Variants in ABLIM2 observed in about 807,000 individuals in gnomAD.
ABLIM2 encodes actin binding LIM protein family member 2, also known as actin-binding LIM protein 2.
In ABLIM2, 53 loss-of-function variants were observed where a neutral mutation model predicts 97.7. That is an observed-to-expected ratio of 0.54 (90% CI 0.44 to 0.68). The LOEUF is 0.68. Among genes scored for constraint, ABLIM2 ranks in the 30% least tolerant of loss-of-function variants. The pLI is 0.00. For missense variants in ABLIM2, 835 were observed against 867.2 expected (o/e 0.96, Z 0.47); for synonymous variants, 361 against 345.8 (o/e 1.04, Z -0.49).
chr4:8,079,025 C>T (rs1818059491), intron 5 of ABLIM2, among the ~76,000 whole-genome samples: 2 of 152,384 alleles, frequency 1.3e-5, no homozygotes, highest in Middle Eastern at 3.4e-3. Context: ...ACGTTCTTTT[C>T]CTCCAAGCTC....
At chr4:8,100,022 G>T (rs1300830916) in intron 2 of ABLIM2, among the ~76,000 whole-genome samples, 1 of 152,336 alleles carries the variant, frequency 6.6e-6, no homozygotes, top group South Asian at 2.1e-4. Flanking sequence ...GCAGGTGGGG[G>T]TGATGGGAGC....
Position 8,132,981 on chromosome 4 carries a change from C to T in ABLIM2, c.10+25699G>A, listed in dbSNP as rs545674149. On this transcript the variant is annotated intron_variant, in intron 1 of 20. Transcript: ENST00000447017. The surrounding 1 kb of genome is among the most constrained non-coding windows in gnomAD (Gnocchi z 8.0). ...CTTAACAACAGGCATTTACTCTCCC[C>T]GGTTCTGGAGACCAGAAGTCCCAGA... 4.6e-5 allele frequency among the ~76,000 whole-genome samples: 7 copies of T among 152,298 alleles called. 1 individual carries two copies. The highest frequency in any genetic ancestry group is 3.4e-3 in the Middle Eastern group (1 of 294).
rs538795222 is a variant in ABLIM2, at chr4:8,087,937, G to C, written c.454+232C>G. 2.0e-3 allele frequency among the ~76,000 whole-genome samples: 297 copies of C among 151,762 alleles called. 4 individuals carry two copies. The highest frequency in any genetic ancestry group is 3.6e-3 in the Non-Finnish European group (247 of 67,906). ...GCTGCTCTGGGTCCCCGTTTCTCAG[G>C]CTCTGTCCCTGGGCACTGCAGAGAC... On this transcript the variant is annotated intron_variant, in intron 4 of 20. Transcript: ENST00000447017. This position sits in a 1 kb window ranked among gnomAD's most constrained non-coding sequence, Gnocchi z 4.6.
At chr4:8,024,382 C>T (rs961914193) in intron 12 of ABLIM2, among the ~76,000 whole-genome samples, 1 of 152,122 alleles carries the variant, frequency 6.6e-6, no homozygotes, top group African/African-American at 2.4e-5. Flanking sequence ...GGAAGGTGTG[C>T]CGGGGGTGAG....
rs537529181 is a variant in ABLIM2 at position 8,033,330 on chromosome 4, G to C, written c.1047+2819C>G. On this transcript the variant is annotated intron_variant, in intron 10 of 20. Coordinates refer to ENST00000447017, the MANE Select transcript of ABLIM2 (RefSeq NM_001130083.2). This position sits in a 1 kb window ranked among gnomAD's most constrained non-coding sequence, Gnocchi z 4.5. ...GAGCGGGGAGGCACTCTGTTCACAG[G>C]AACCATGGTTATTACAGCGCAATAA... is the stretch of plus-strand genomic sequence containing the variant. Among the ~76,000 whole-genome samples, 2 of 152,202 alleles carry C rather than the reference G, an allele frequency of 1.3e-5. No individual in the cohort carries two copies. Among genetic ancestry groups the C allele is most frequent in the Non-Finnish European group, 2.9e-5 (2 of 68,030 alleles).
intron 1 of ABLIM2, among the ~76,000 whole-genome samples, chr4:8,142,855 G>A (rs1851201199): frequency 6.6e-6 from 1 of 152,194 alleles, no homozygotes; most frequent in Non-Finnish European, 1.5e-5. Context: ...AGCCCTCAAT[G>A]AGAACATCAG....
chr4:8,060,481 A>G (rs561217724), intron 7 of ABLIM2, among the ~76,000 whole-genome samples: 1 of 152,228 alleles, frequency 6.6e-6, no homozygotes, highest in East Asian at 1.9e-4. Flanking sequence ...TCCTGGAAGA[A>G]AGCCTCGGCT....
chr4:8,100,026 T>C (rs1003108965), intron 2 of ABLIM2, among the ~76,000 whole-genome samples: 1 of 152,134 alleles, frequency 6.6e-6, no homozygotes, highest in African/African-American at 2.4e-5. Context: ...GTGGGGGTGA[T>C]GGGAGCACCA....
At chr4:8,151,448 C>A (rs908091609) in intron 1 of ABLIM2, among the ~76,000 whole-genome samples, 1 of 152,282 alleles carries the variant, frequency 6.6e-6, no homozygotes, top group African/African-American at 2.4e-5. Context: ...GAGCTCCAGG[C>A]AGACATCCAC....
At position 7,992,501 on chromosome 4, in the gene ABLIM2, A is replaced by T. The variant is rs556139632; in HGVS notation, c.1680+365T>A. Reference sequence around the variant, plus strand: ...TGGCTCACACTGGCTCACCAAATGCAACAGCCCTTGGTTATCAGGCTCTGT... The same window carrying T: ...TGGCTCACACTGGCTCACCAAATGCTACAGCCCTTGGTTATCAGGCTCTGT... On this transcript the variant is annotated intron_variant, in intron 17 of 20. Transcript: ENST00000447017. This position sits in a 1 kb window ranked among gnomAD's most constrained non-coding sequence, Gnocchi z 5.7. Among the ~76,000 whole-genome samples the T allele has an allele frequency of 1.1e-4, 16 of 152,170 alleles. No homozygotes were observed. Among genetic ancestry groups the T allele is most frequent in the African/African-American group, 3.9e-4 (16 of 41,522 alleles).
chr4:8,148,693 A>G lies in ABLIM2; in HGVS notation c.10+9987T>C, dbSNP rs1852223016. On this transcript the variant is annotated intron_variant, in intron 1 of 20. Coordinates refer to ENST00000447017, the MANE Select transcript of ABLIM2 (RefSeq NM_001130083.2). The surrounding 1 kb of genome is among the most constrained non-coding windows in gnomAD (Gnocchi z 6.7). ...CTGCTTGCCTGGAAGCAAATGCTAC[A>G]TCCCAAGGTGTCCATTGCCCCAAAC... Among the ~76,000 whole-genome samples, 1 of 152,168 alleles carries G rather than the reference A, an allele frequency of 6.6e-6. No homozygotes were observed. Among genetic ancestry groups the G allele is most frequent in the African/African-American group, 2.4e-5 (1 of 41,434 alleles).
intron 1 of ABLIM2, among the ~76,000 whole-genome samples, chr4:8,109,589 C>A (rs1480705892): frequency 6.6e-6 from 1 of 152,180 alleles, no homozygotes; most frequent in Non-Finnish European, 1.5e-5. Context: ...CGCCTAGGGT[C>A]CCTGCCCACG....
At chr4:7,979,380 C>T (rs1433639288) in intron 20 of ABLIM2, among the ~76,000 whole-genome samples, 2 of 152,238 alleles carry the variant, frequency 1.3e-5, no homozygotes, top group Non-Finnish European at 2.9e-5. Flanking sequence ...CCCACCCTCC[C>T]GCAGGCAAAC....
chr4:7,965,754 C>A lies in ABLIM2; in HGVS notation c.*1236G>T, dbSNP rs1722728691. On this transcript the variant is annotated 3_prime_UTR_variant, in exon 21 of 21. Transcript: ENST00000447017. ...CAGCCTCCTGCTCCGGGATGCCCTG[C>A]TGGCTTCAAAGATGAGAAGAGCCAC... 6.6e-6 allele frequency: 1 copy of A among 152,296 alleles called. No homozygotes were observed. The highest frequency in any genetic ancestry group is 1.5e-5 in the Non-Finnish European group (1 of 68,118). 9.4% of individuals were successfully genotyped at this position (152,296 alleles called of 1,614,324 possible). A position where few individuals can be genotyped will look rare whatever the true frequency, so the allele number is the denominator to read the frequency against.
At position 8,027,750 on chromosome 4, in the gene ABLIM2, G is replaced by A. The variant is rs377069524; in HGVS notation, c.1267+9C>T. 119 of 1,570,582 alleles carry A rather than the reference G, an allele frequency of 7.6e-5. No individual in the cohort carries two copies. The highest frequency in any genetic ancestry group is 9.2e-5 in the Admixed American group (5 of 54,610). Reference sequence around the variant, plus strand: ...GAGCACCCACAGCCCACATCACTGCGTGCCTTACCTCGGAAGTAGGGGATG... The same window carrying A: ...GAGCACCCACAGCCCACATCACTGCATGCCTTACCTCGGAAGTAGGGGATG... On this transcript the variant is annotated intron_variant, in intron 12 of 20. Transcript: ENST00000447017.
At position 8,120,074 on chromosome 4, in the gene ABLIM2, T is replaced by C. The variant is rs1205086819; in HGVS notation, c.11-13437A>G. ...GTTCACAGAGCGACAGGCACAGACG[T>C]CGGGCGGCAGGGTCCCTGGCGGCCC... On this transcript the variant is annotated intron_variant, in intron 1 of 20. Transcript: ENST00000447017. This position sits in a 1 kb window ranked among gnomAD's most constrained non-coding sequence, Gnocchi z 5.6. Among the ~76,000 whole-genome samples, 2 of 152,074 alleles carry C rather than the reference T, an allele frequency of 1.3e-5. No individual in the cohort carries two copies. Among genetic ancestry groups the C allele is most frequent in the Non-Finnish European group, 2.9e-5 (2 of 68,010 alleles).
rs1176831360 is a variant in ABLIM2, at chr4:7,998,465, C to A, written c.1619-5538G>T. On this transcript the variant is annotated intron_variant, in intron 16 of 20. Coordinates refer to ENST00000447017, the MANE Select transcript of ABLIM2 (RefSeq NM_001130083.2). The surrounding 1 kb of genome is among the most constrained non-coding windows in gnomAD (Gnocchi z 6.4). ...CACCTGGAGCTGCCGGTCTGCCCAC[C>A]TGGGTCCCTGCCGGTGCTGCCTGTG... Among the ~76,000 whole-genome samples the A allele has an allele frequency of 6.6e-6, 1 of 151,580 alleles. No homozygotes were observed. Among genetic ancestry groups the A allele is most frequent in the Non-Finnish European group, 1.5e-5 (1 of 67,970 alleles).
chr4:8,065,516 C>T (rs1022121383), intron 6 of ABLIM2, among the ~76,000 whole-genome samples: 10 of 152,286 alleles, frequency 6.6e-5, no homozygotes, highest in African/African-American at 2.4e-4. Context: ...CAAAACAGTG[C>T]AGCTACTGTG....
rs972636709 is a variant in ABLIM2 at position 8,067,778 on chromosome 4, T to C, written c.676-6724A>G. 1 of 152,272 alleles carries C rather than the reference T, an allele frequency of 6.6e-6. No individual in the cohort carries two copies. Among genetic ancestry groups the C allele is most frequent in the Admixed American group, 6.5e-5 (1 of 15,286 alleles). 9.4% of individuals were successfully genotyped at this position (152,272 alleles called of 1,614,324 possible). On this transcript the variant is annotated intron_variant, in intron 6 of 20. Coordinates refer to ENST00000447017, the MANE Select transcript of ABLIM2 (RefSeq NM_001130083.2). This position sits in a 1 kb window ranked among gnomAD's most constrained non-coding sequence, Gnocchi z 5.4. ...ACAGATTCCAGCCTGAGATTCTCTC[T>C]TCCTGGCTGTGTGACTCAGGCCCTG...
Sources: gnomAD v4.1 joint callset for allele counts (sites outside exome capture counted in the v4.1 genomes callset) on GRCh38, gnomAD v4.1.1 for gene constraint, Gnocchi (gnomAD v3.1) non-coding constraint, MANE v1.5 for transcripts, NCBI Gene and HGNC (gene_info 2026-07-23, HGNC 2026-07-21) for gene names.